Variants in RAP1GAP observed in about 807,000 individuals in gnomAD.
RAP1GAP encodes rap1 GTPase-activating protein 1.
In RAP1GAP, 35 loss-of-function variants were observed where a neutral mutation model predicts 87.2. That is an observed-to-expected ratio of 0.40 (90% CI 0.31 to 0.53). The LOEUF is 0.53. Ranked by LOEUF, RAP1GAP falls within the 20% of genes least tolerant of loss-of-function variation. The pLI is 0.48. For synonymous variants in RAP1GAP, 375 were observed against 363.9 expected (o/e 1.03, Z -0.35); for missense variants, 734 against 898.9 (o/e 0.82, Z 2.35).
intron 20 of RAP1GAP, among the ~76,000 whole-genome samples, chr1:21,600,966 C>T (rs1002600298): frequency 5.3e-5 from 8 of 150,854 alleles, no homozygotes; most frequent in African/African-American, 1.9e-4. Flanking sequence ...ACCTCCTTCC[C>T]GCCACCACCC....
Position 21,668,854 on chromosome 1 carries a change from C to A in RAP1GAP, c.-149+400G>T, listed in dbSNP as rs1191136577. ...CCTCTGGGGGGCGCTAGGGCTTGGG[C>A]CCCTCCCCAGGGATGGAGGAAACGC... is the stretch of plus-strand genomic sequence containing the variant. On this transcript the variant is annotated intron_variant, in intron 1 of 24. Coordinates refer to ENST00000374765, the MANE Select transcript of RAP1GAP (RefSeq NM_002885.4). The surrounding 1 kb of genome is among the most constrained non-coding windows in gnomAD (Gnocchi z 6.2). Among the ~76,000 whole-genome samples, 1 of 151,874 alleles carries A rather than the reference C, an allele frequency of 6.6e-6. No homozygotes were observed. Among genetic ancestry groups the A allele is most frequent in the African/African-American group, 2.4e-5 (1 of 41,368 alleles).
At chr1:21,612,555 C>T (rs889055414) in intron 10 of RAP1GAP, among the ~76,000 whole-genome samples, 1 of 152,194 alleles carries the variant, frequency 6.6e-6, no homozygotes, top group Admixed American at 6.5e-5. Context: ...CCTTAGGCCT[C>T]AGTTTCCTCT....
At chr1:21,628,004 A>C (rs1469844458) in intron 2 of RAP1GAP, among the ~76,000 whole-genome samples, 1 of 152,190 alleles carries the variant, frequency 6.6e-6, no homozygotes, top group Non-Finnish European at 1.5e-5. Context: ...TTCCAAAAAC[A>C]TTCATCGCAG....
At chr1:21,632,931 GTCAGAC>G (rs1305330522) in intron 2 of RAP1GAP, among the ~76,000 whole-genome samples, 1 of 152,096 alleles carries the variant, frequency 6.6e-6, no homozygotes, top group African/African-American at 2.4e-5. Context: ...AAACATCAGG[GTCAGAC>G]TCAGGAATGG....
chr1:21,663,371 G>T (rs774761770), intron 1 of RAP1GAP, among the ~76,000 whole-genome samples: 2 of 152,194 alleles, frequency 1.3e-5, no homozygotes, highest in Non-Finnish European at 2.9e-5. Flanking sequence ...GTCTGCCAGC[G>T]GGTGGATGGC....
chr1:21,616,906 A>G (rs1303321555), intron 7 of RAP1GAP, among the ~76,000 whole-genome samples: 1 of 152,240 alleles, frequency 6.6e-6, no homozygotes, highest in Non-Finnish European at 1.5e-5. Context: ...CCTTACAGAT[A>G]TCAGCTCACT....
chr1:21,651,753 CCGCCCCGCGCCGCGCCA>C, intron 1 of RAP1GAP: 1 of 1,454,412 alleles, frequency 6.9e-7, no homozygotes, highest in Non-Finnish European at 9.0e-7. Flanking sequence ...CGCACGCGCC[CCGCCCCGCGCCGCGCCA>C]CGCCCTACCC....
chr1:21,603,669 G>T lies in RAP1GAP; in HGVS notation c.1429-756C>A. ...TCTGGCACAGGTACCAGGCCCCAAA[G>T]CAGGTGCTGAGTGCCATCGGAGCTG... On this transcript the variant is annotated intron_variant, in intron 18 of 24. Coordinates refer to ENST00000374765, the MANE Select transcript of RAP1GAP (RefSeq NM_002885.4). This position sits in a 1 kb window ranked among gnomAD's most constrained non-coding sequence, Gnocchi z 6.0. 1.3e-6 allele frequency: 1 copy of T among 798,302 alleles called. No homozygotes were observed. The highest frequency in any genetic ancestry group is 2.2e-6 in the Non-Finnish European group (1 of 450,658). 49.5% of individuals were successfully genotyped at this position (798,302 alleles called of 1,614,324 possible).
At chr1:21,601,640 C>G in intron 20 of RAP1GAP, 44 bp downstream of exon 20, 1 of 1,460,992 alleles carries the variant, frequency 6.8e-7, no homozygotes, top group South Asian at 1.3e-5. Flanking sequence ...AAGGACGGTT[C>G]ACCACTCCCA....
intron 2 of RAP1GAP, among the ~76,000 whole-genome samples, chr1:21,635,666 T>A (rs2094561639): frequency 6.6e-6 from 1 of 152,208 alleles, no homozygotes; most frequent in Non-Finnish European, 1.5e-5. Flanking sequence ...TCCAGGCCAG[T>A]CTGGTGAGCA....
chr1:21,602,766 GA>G, intron 19 of RAP1GAP, 37 bp downstream of exon 19: 2 of 1,537,466 alleles, frequency 1.3e-6, no homozygotes, highest in Non-Finnish European at 1.8e-6. Context: ...CAGGGATGGG[GA>G]TGCAGGGGAA....
intron 4 of RAP1GAP, among the ~76,000 whole-genome samples, chr1:21,619,655 C>G (rs1317919024): frequency 4.6e-5 from 7 of 152,096 alleles, no homozygotes; most frequent in Non-Finnish European, 8.8e-5. Flanking sequence ...CCCCCAGCAT[C>G]TGTCCCCTCC....
chr1:21,620,425 G>T (rs370584485), intron 3 of RAP1GAP, among the ~76,000 whole-genome samples: 10 of 152,200 alleles, frequency 6.6e-5, no homozygotes, highest in African/African-American at 2.4e-4. Context: ...CTCCCGGAAG[G>T]GGGCAAGGCT....
Position 21,603,300 on chromosome 1 carries a change from T to C in RAP1GAP, c.1429-387A>G, listed in dbSNP as rs2070731221. 1 of 383,484 alleles carries C rather than the reference T, an allele frequency of 2.6e-6. No individual in the cohort carries two copies. Among genetic ancestry groups the C allele is most frequent in the Non-Finnish European group, 4.7e-6 (1 of 211,412 alleles). 23.8% of individuals were successfully genotyped at this position (383,484 alleles called of 1,614,324 possible). A position where few individuals can be genotyped will look rare whatever the true frequency, so the allele number is the denominator to read the frequency against. On this transcript the variant is annotated intron_variant, in intron 18 of 24. Coordinates refer to ENST00000374765, the MANE Select transcript of RAP1GAP (RefSeq NM_002885.4). This position sits in a 1 kb window ranked among gnomAD's most constrained non-coding sequence, Gnocchi z 6.0. Reference sequence around the variant, plus strand: ...GTGTAGCAACCCAAGTCCCACCCCGTGCCAGCTAGGGCCCCTCCCCGGAAC... The same window carrying C: ...GTGTAGCAACCCAAGTCCCACCCCGCGCCAGCTAGGGCCCCTCCCCGGAAC...
intron 7 of RAP1GAP, among the ~76,000 whole-genome samples, chr1:21,614,587 G>A (rs1053048959): frequency 3.9e-5 from 6 of 152,318 alleles, no homozygotes; most frequent in Admixed American, 6.5e-5. Flanking sequence ...AACAGGAAGC[G>A]AAACATCTCA....
intron 10 of RAP1GAP, among the ~76,000 whole-genome samples, chr1:21,612,482 T>C (rs1452397594): frequency 6.6e-6 from 1 of 152,036 alleles, no homozygotes; most frequent in African/African-American, 2.4e-5. Context: ...ACCCACATCA[T>C]CCTCCCAGAA....
At chr1:21,644,689 G>A (rs1358273246) in intron 2 of RAP1GAP, among the ~76,000 whole-genome samples, 1 of 152,038 alleles carries the variant, frequency 6.6e-6, no homozygotes, top group Non-Finnish European at 1.5e-5. Flanking sequence ...CACAAGGTCA[G>A]GAGCTCGAAA....
In RAP1GAP at chr1:21,626,287, T is replaced by C; in HGVS notation, c.-19+17A>G. 6.4e-7 allele frequency: 1 copy of C among 1,574,270 alleles called. No individual in the cohort carries two copies. The highest frequency in any genetic ancestry group is 8.7e-7 in the Non-Finnish European group (1 of 1,144,066). ...GGGGGCAGACCAGGGGCCGTAGGTA[T>C]GGAGGGGGACACTTACCTTAGGGTA... is the stretch of plus-strand genomic sequence containing the variant. On this transcript the variant is annotated intron_variant, in intron 3 of 24. Coordinates refer to ENST00000374765, the MANE Select transcript of RAP1GAP (RefSeq NM_002885.4).
intron 7 of RAP1GAP, among the ~76,000 whole-genome samples, chr1:21,616,158 C>CAG (rs2081961079): frequency 7.3e-6 from 1 of 136,700 alleles, no homozygotes; most frequent in Non-Finnish European, 1.6e-5. Context: ...CACACACACA[C>CAG]ACACACACAC....
Sources: gnomAD v4.1 joint callset for allele counts (sites outside exome capture counted in the v4.1 genomes callset) on GRCh38, gnomAD v4.1.1 for gene constraint, Gnocchi (gnomAD v3.1) non-coding constraint, MANE v1.5 for transcripts, NCBI Gene and HGNC (gene_info 2026-07-23, HGNC 2026-07-21) for gene names.